Variants in TSPEAR observed in about 807,000 individuals in gnomAD.
TSPEAR encodes thrombospondin-type laminin G domain and EAR repeat-containing protein.
TSPEAR carries 69 observed loss-of-function variants against 71.6 expected under a neutral mutation model. The observed-to-expected ratio is 0.96, with a 90% CI of 0.79 to 1.18. TSPEAR has a LOEUF of 1.18. TSPEAR is among the 50% of genes most tolerant of loss of function. TSPEAR has a pLI of 0.00. For synonymous variants in TSPEAR, 402 were observed against 387.2 expected (o/e 1.04, Z -0.45); for missense variants, 971 against 894.9 (o/e 1.09, Z -1.09).
At chr21:44,544,385 A>G (rs2053268343) in intron 2 of TSPEAR, among the ~76,000 whole-genome samples, 1 of 152,200 alleles carries the variant, frequency 6.6e-6, no homozygotes, top group Non-Finnish European at 1.5e-5. Flanking sequence ...TGGGATGATG[A>G]GAGGAGTCTA....
intron 1 of TSPEAR, among the ~76,000 whole-genome samples, chr21:44,705,694 C>T (rs11702093): frequency 0.24 from 35,743 of 150,012 alleles, 4,376 homozygotes; most frequent in Non-Finnish European, 0.27. Context: ...TTGGTCAGAC[C>T]GGTTGATCTC....
rs587688187 is a variant in TSPEAR, at chr21:44,650,265, T to C, written c.82+61168A>G. 5.3e-5 allele frequency among the ~76,000 whole-genome samples: 8 copies of C among 152,114 alleles called. No individual in the cohort carries two copies. The East Asian group carries it at 1.5e-3, about 29-fold the overall frequency. On this transcript the variant is annotated intron_variant, in intron 1 of 11. Coordinates refer to ENST00000323084, the MANE Select transcript of TSPEAR (RefSeq NM_144991.3). ...TATGTTGGATGCTGATCCCTCATAC[T>C]GTAAACATGACCTTACGTGGAAACA...
At chr21:44,698,182 C>G in intron 1 of TSPEAR, 1 of 600,350 alleles carries the variant, frequency 1.7e-6, no homozygotes, top group Non-Finnish European at 2.9e-6. Context: ...TTCCAGGCCC[C>G]TGTGGTCTCG....
chr21:44,505,126 T>A lies in TSPEAR; in HGVS notation c.1755-245A>T, dbSNP rs141871338. Among the ~76,000 whole-genome samples, 619 of 152,350 alleles carry A rather than the reference T, an allele frequency of 4.1e-3. 2 individuals carry two copies. The highest frequency in any genetic ancestry group is 6.0e-3 in the Non-Finnish European group (408 of 68,024). ...TGGAGTCTCATTCTGTCACCCAGGC[T>A]GGAGTGCAGTGGCGAGATCTCGGCT... On this transcript the variant is annotated intron_variant, in intron 10 of 11. Coordinates refer to ENST00000323084, the MANE Select transcript of TSPEAR (RefSeq NM_144991.3).
intron 5 of TSPEAR, 107 bp from the exon 6 acceptor site, chr21:44,528,690 T>C: frequency 6.9e-7 from 1 of 1,445,570 alleles, no homozygotes; most frequent in Admixed American, 2.5e-5. Context: ...AGCCTCTGCA[T>C]GCGGGCCTGG....
rs1424985311 is a variant in TSPEAR at position 44,593,085 on chromosome 21, T to TC, written c.83-25081dup. On this transcript the variant is annotated intron_variant, in intron 1 of 11. Coordinates refer to ENST00000323084, the MANE Select transcript of TSPEAR (RefSeq NM_144991.3). This position sits in a 1 kb window ranked among gnomAD's most constrained non-coding sequence, Gnocchi z 5.9. ...CCTCCGGCCCTGTTTCGTGTCCACCTCGTCTTTGTGTTTTGGAGGCAGCAG... is the reference window on the plus strand; with the variant it reads ...CCTCCGGCCCTGTTTCGTGTCCACCTCCGTCTTTGTGTTTTGGAGGCAGCAG... Among the ~76,000 whole-genome samples, 2 of 152,194 alleles carry TC rather than the reference T, an allele frequency of 1.3e-5. No individual in the cohort carries two copies. Among genetic ancestry groups the TC allele is most frequent in the African/African-American group, 4.8e-5 (2 of 41,430 alleles).
At chr21:44,508,564 A>C in intron 10 of TSPEAR, 2 of 1,148,996 alleles carry the variant, frequency 1.7e-6, no homozygotes, top group Non-Finnish European at 2.2e-6. Context: ...AGGACGCCCC[A>C]CACTGGTCAG....
At chr21:44,621,003 A>G (rs1213746408) in intron 1 of TSPEAR, among the ~76,000 whole-genome samples, 2 of 152,158 alleles carry the variant, frequency 1.3e-5, no homozygotes, top group African/African-American at 2.4e-5. Context: ...GTTTCCTTCC[A>G]TTGTAATCAG....
intron 1 of TSPEAR, among the ~76,000 whole-genome samples, chr21:44,700,520 G>A (rs1293873364): frequency 2.6e-5 from 4 of 152,216 alleles, no homozygotes; most frequent in Non-Finnish European, 5.9e-5. Flanking sequence ...AGAGGGGCCT[G>A]GAGGCCCCGG....
chr21:44,677,351 G>A lies in TSPEAR; in HGVS notation c.82+34082C>T, dbSNP rs139374872. The A allele has an allele frequency of 4.4e-4, 608 of 1,383,106 alleles. 4 individuals carry two copies. The East Asian group carries it at 9.6e-3, about 22-fold the overall frequency. 85.7% of individuals were successfully genotyped at this position (1,383,106 alleles called of 1,614,324 possible). On this transcript the variant is annotated intron_variant, in intron 1 of 11. Coordinates refer to ENST00000323084, the MANE Select transcript of TSPEAR (RefSeq NM_144991.3). ...CCTCAATCTCAGAATTGTCCATGGC[G>A]GCTTTCAATATGTTGGAGTGTGCAT...
chr21:44,516,277 G>T (rs963451246), intron 9 of TSPEAR: 1 of 152,306 alleles, frequency 6.6e-6, no homozygotes, highest in Non-Finnish European at 1.5e-5. Flanking sequence ...GCAGGGCAGT[G>T]GCCAGGGCTG....
chr21:44,559,426 G>C (rs1402971443), intron 2 of TSPEAR, among the ~76,000 whole-genome samples: 1 of 152,184 alleles, frequency 6.6e-6, no homozygotes, highest in Non-Finnish European at 1.5e-5. Flanking sequence ...ATGGAGATGA[G>C]GGGCAAGCAC....
chr21:44,612,549 G>A lies in TSPEAR; in HGVS notation c.83-44544C>T. 6.2e-7 allele frequency: 1 copy of A among 1,614,058 alleles called. No homozygotes were observed. Among genetic ancestry groups the A allele is most frequent in the Non-Finnish European group, 8.5e-7 (1 of 1,179,960 alleles). On this transcript the variant is annotated intron_variant, in intron 1 of 11. Transcript: ENST00000323084. The surrounding 1 kb of genome is among the most constrained non-coding windows in gnomAD (Gnocchi z 4.1). ...TCCTCCCCATGCTGCCAGCAGTCTA[G>A]CTGCCAGTCAGCTTGCTGCACCTTC...
intron 2 of TSPEAR, among the ~76,000 whole-genome samples, chr21:44,555,992 C>T (rs1555919719): frequency 1.3e-5 from 2 of 152,222 alleles, no homozygotes; most frequent in Non-Finnish European, 2.9e-5. Flanking sequence ...TTAATAGATA[C>T]AGCGGTTCAA....
intron 1 of TSPEAR, chr21:44,675,805 C>T: frequency 1.8e-6 from 1 of 570,512 alleles, no homozygotes; most frequent in South Asian, 2.0e-5. Flanking sequence ...GCGGCAAACC[C>T]TTCATGTATC....
intron 1 of TSPEAR, chr21:44,591,842 G>T (rs1555926673): frequency 1.9e-6 from 3 of 1,608,270 alleles, no homozygotes; most frequent in Non-Finnish European, 2.5e-6. Context: ...CAAGTTGGCT[G>T]GCAGCTAGAC....
At chr21:44,681,608 A>C (rs1569256273) in intron 1 of TSPEAR, 2 of 534,020 alleles carry the variant, frequency 3.7e-6, no homozygotes, top group African/African-American at 3.8e-5. Context: ...TTTGACTCTC[A>C]TGGGGTCAGA....
intron 1 of TSPEAR, chr21:44,654,559 C>A (rs376121988): frequency 1.2e-6 from 2 of 1,607,744 alleles, no homozygotes; most frequent in African/African-American, 2.7e-5. Flanking sequence ...GGGGACACAG[C>A]ACGGGGAGCC....
At position 44,499,462 on chromosome 21, in the gene TSPEAR, T is replaced by G. The variant is rs797031672; in HGVS notation, c.*321A>C. ...GCAGGGACATGAACCGAGGTCCTGT[T>G]GTTTGAGGTAAAAATGTATAGAAAC... On this transcript the variant is annotated 3_prime_UTR_variant, in exon 12 of 12. Coordinates refer to ENST00000323084, the MANE Select transcript of TSPEAR (RefSeq NM_144991.3). 6.7e-5 allele frequency: 20 copies of G among 300,138 alleles called. No individual in the cohort carries two copies. The highest frequency in any genetic ancestry group is 3.8e-4 in the African/African-American group (17 of 44,736). 18.6% of individuals were successfully genotyped at this position (300,138 alleles called of 1,614,324 possible).
Sources: gnomAD v4.1 joint callset for allele counts (sites outside exome capture counted in the v4.1 genomes callset) on GRCh38, gnomAD v4.1.1 for gene constraint, Gnocchi (gnomAD v3.1) non-coding constraint, MANE v1.5 for transcripts, NCBI Gene and HGNC (gene_info 2026-07-23, HGNC 2026-07-21) for gene names.